NEK11: variants seen among roughly 807,000 people sequenced by gnomAD.
NEK11 encodes the protein NIMA related kinase 11.
A neutral mutation model predicts 80.7 loss-of-function variants in NEK11; 72 were observed. The ratio of observed to expected loss-of-function variants is 0.89; its 90% CI spans 0.74 to 1.08. The LOEUF (loss-of-function observed/expected upper bound fraction) is 1.08, where lower values mean the gene tolerates loss of function less well. NEK11 is among the 50% of genes least tolerant of loss of function. The pLI, the probability that NEK11 is intolerant of heterozygous loss-of-function variation, is 0.00. For missense variants in NEK11, 764 were observed against 763.6 expected (o/e 1.00, Z -0.01); for synonymous variants, 251 against 260.7 (o/e 0.96, Z 0.36).
rs992989157 is a variant in NEK11 at position 131,058,720 on chromosome 3, A to G, written c.171-21703A>G. Among the ~76,000 whole-genome samples the G allele has an allele frequency of 5.9e-5, 9 of 152,202 alleles. 1 individual carries two copies. Among genetic ancestry groups the G allele is most frequent in the South Asian group, 2.1e-4 (1 of 4,828 alleles). On this transcript the variant is annotated intron_variant, in intron 3 of 17. Coordinates refer to ENST00000383366, the MANE Select transcript of NEK11 (RefSeq NM_024800.5). The stretch of plus-strand genomic sequence containing the variant: ...ACAGTTCCCTTAAGAGATTCATAAT[A>G]CAGTATAGACAAGAGAGGGAAATCA...
intron 16 of NEK11, among the ~76,000 whole-genome samples, chr3:131,245,780 TTTTTATTCGAG>T (rs2095592644): frequency 6.6e-6 from 1 of 152,112 alleles, no homozygotes; most frequent in Non-Finnish European, 1.5e-5. Flanking sequence ...TTTTGCCCAC[TTTTTATTCGAG>T]TTAGTTGGGG....
At position 131,296,466 on chromosome 3, in the gene NEK11, T is replaced by C. The variant is rs1030355140; in HGVS notation, c.1718+22892T>C. ...TTCTGACCTATGTTATTTTCCTTCA[T>C]TTAACATTTCTTGCAAGGCAGGTCT... On this transcript the variant is annotated intron_variant, in intron 17 of 17. Transcript: ENST00000383366. Among the ~76,000 whole-genome samples, 3 of 152,300 alleles carry C rather than the reference T, an allele frequency of 2.0e-5. No homozygotes were observed. In the South Asian group the frequency reaches 6.2e-4, roughly 32 times the overall value.
chr3:131,209,029 C>T (rs916091604), intron 14 of NEK11, among the ~76,000 whole-genome samples: 1 of 152,164 alleles, frequency 6.6e-6, no homozygotes, highest in African/African-American at 2.4e-5. Flanking sequence ...GAGAAGGCAT[C>T]CCTGTCTTGT....
At chr3:131,027,379 T>C (rs2064029680) in intron 1 of NEK11, 1 of 152,106 alleles carries the variant, frequency 6.6e-6, no homozygotes, top group Admixed American at 6.6e-5. Flanking sequence ...TCCGTTGTCT[T>C]TTGCCCCCAG....
intron 17 of NEK11, among the ~76,000 whole-genome samples, chr3:131,336,365 A>G (rs1037406990): frequency 6.6e-5 from 10 of 152,222 alleles, no homozygotes; most frequent in Non-Finnish European, 5.9e-5. Flanking sequence ...CAAGCAATGG[A>G]GAAAGAATTC....
intron 14 of NEK11, among the ~76,000 whole-genome samples, chr3:131,228,045 C>G (rs926421467): frequency 3.3e-5 from 5 of 151,956 alleles, no homozygotes; most frequent in Non-Finnish European, 7.4e-5. Context: ...GCTATATATC[C>G]TATTCATCTT....
intron 17 of NEK11, among the ~76,000 whole-genome samples, chr3:131,286,070 C>A (rs1448698475): frequency 6.6e-6 from 1 of 152,210 alleles, no homozygotes; most frequent in Non-Finnish European, 1.5e-5. Context: ...CCCTTCTACC[C>A]CTCTTTCTTG....
rs577099292 is a variant in NEK11, at chr3:131,154,477, G to A, written c.877-559G>A. Among the ~76,000 whole-genome samples, 9 of 152,296 alleles carry A rather than the reference G, an allele frequency of 5.9e-5. No homozygotes were observed. In the South Asian group the frequency reaches 1.7e-3, roughly 28 times the overall value. The stretch of plus-strand genomic sequence containing the variant: ...CACTTTAAAGACAGAATCCAGCAGG[G>A]CCAGGATTAGGGTGAGGTAAGTGAG... On this transcript the variant is annotated intron_variant, in intron 9 of 17. Coordinates refer to ENST00000383366, the MANE Select transcript of NEK11 (RefSeq NM_024800.5).
intron 16 of NEK11, among the ~76,000 whole-genome samples, chr3:131,267,434 T>A (rs1211218070): frequency 6.6e-6 from 1 of 152,274 alleles, no homozygotes; most frequent in South Asian, 2.1e-4. Flanking sequence ...ATTTTATTTC[T>A]CCCTCGCTTA....
chr3:131,328,679 C>G (rs2097018777), intron 17 of NEK11, among the ~76,000 whole-genome samples: 1 of 152,118 alleles, frequency 6.6e-6, no homozygotes, highest in African/African-American at 2.4e-5. Context: ...ACTTGATGAC[C>G]CATCAGAATG....
At chr3:131,255,279 C>G (rs1395698794) in intron 16 of NEK11, among the ~76,000 whole-genome samples, 4 of 152,128 alleles carry the variant, frequency 2.6e-5, no homozygotes, top group Non-Finnish European at 5.9e-5. Context: ...TTCTGTCTTT[C>G]TTACTGAGCA....
chr3:131,083,530 G>A (rs998062869), intron 4 of NEK11, among the ~76,000 whole-genome samples: 1 of 152,200 alleles, frequency 6.6e-6, no homozygotes, highest in Non-Finnish European at 1.5e-5. Flanking sequence ...CTCTTAACTG[G>A]CACAGGGCTG....
intron 5 of NEK11, among the ~76,000 whole-genome samples, chr3:131,127,986 A>G (rs1340473303): frequency 6.6e-6 from 1 of 152,220 alleles, no homozygotes; most frequent in Non-Finnish European, 1.5e-5. Flanking sequence ...CAAAGCTCTG[A>G]TTAAAAATTT....
intron 14 of NEK11, among the ~76,000 whole-genome samples, chr3:131,181,523 G>GA: frequency 6.6e-6 from 1 of 152,100 alleles, no homozygotes; most frequent in Non-Finnish European, 1.5e-5. Flanking sequence ...AAGGCGGGCA[G>GA]ATCACAAGGT....
chr3:131,041,325 G>A (rs2066432037), intron 3 of NEK11, among the ~76,000 whole-genome samples: 2 of 152,324 alleles, frequency 1.3e-5, no homozygotes, highest in Non-Finnish European at 2.9e-5. Flanking sequence ...TGTTCCATAT[G>A]AATTGGACCT....
At chr3:131,124,249 A>G (rs560165492) in intron 5 of NEK11, among the ~76,000 whole-genome samples, 8 of 152,226 alleles carry the variant, frequency 5.3e-5, no homozygotes, top group African/African-American at 1.9e-4. Context: ...TTCAAAAAAC[A>G]TGGAAGAGAC....
intron 14 of NEK11, among the ~76,000 whole-genome samples, chr3:131,209,389 T>C (rs1213969568): frequency 1.3e-5 from 2 of 152,238 alleles, no homozygotes; most frequent in Admixed American, 6.5e-5. Context: ...CGGTATTTTA[T>C]TGAGGATTTT....
At chr3:131,096,646 C>A (rs2077473460) in intron 4 of NEK11, among the ~76,000 whole-genome samples, 1 of 152,132 alleles carries the variant, frequency 6.6e-6, no homozygotes, top group African/African-American at 2.4e-5. Context: ...TTCCCATCAA[C>A]ACTGGGTAAG....
intron 14 of NEK11, among the ~76,000 whole-genome samples, chr3:131,212,341 G>A (rs915123086): frequency 2.0e-5 from 3 of 152,166 alleles, no homozygotes; most frequent in African/African-American, 7.2e-5. Context: ...ATTGCTGCCT[G>A]ATCCTTCCTC....
Sources: gnomAD v4.1 joint callset for allele counts (sites outside exome capture counted in the v4.1 genomes callset) on GRCh38, gnomAD v4.1.1 for gene constraint, MANE v1.5 for transcripts, NCBI Gene and HGNC (gene_info 2026-07-23, HGNC 2026-07-21) for gene names.